The following AKAP6 variants were observed in gnomAD, a reference collection of about 807,000 sequenced individuals.
The protein encoded by AKAP6 is A-kinase anchoring protein 6.
AKAP6 carries 58 observed loss-of-function variants against 188.5 expected under a neutral mutation model. The ratio of observed to expected loss-of-function variants is 0.31; its 90% CI spans 0.25 to 0.38. The LOEUF is 0.38. AKAP6 is among the 10% of genes least tolerant of loss of function. The pLI is 1.00. For missense variants in AKAP6, 2,710 were observed against 2,740.0 expected (o/e 0.99, Z 0.24); for synonymous variants, 989 against 998.6 (o/e 0.99, Z 0.18).
At chr14:32,555,729 G>T (rs1274441252) in intron 4 of AKAP6, among the ~76,000 whole-genome samples, 1 of 152,084 alleles carries the variant, frequency 6.6e-6, no homozygotes, top group African/African-American at 2.4e-5. Flanking sequence ...GTTTGACTTA[G>T]CATGTCCTTA....
intron 7 of AKAP6, among the ~76,000 whole-genome samples, chr14:32,638,596 C>A (rs2139481312): frequency 1.3e-5 from 2 of 152,120 alleles, no homozygotes; most frequent in South Asian, 4.1e-4. Context: ...TGGCCTGATC[C>A]AAACAAAATG....
chr14:32,676,716 T>C (rs371280974), intron 7 of AKAP6, among the ~76,000 whole-genome samples: 3 of 152,346 alleles, frequency 2.0e-5, no homozygotes, highest in East Asian at 3.9e-4. Flanking sequence ...CTATAGTTAT[T>C]TTAGCAGTGT....
chr14:32,388,326 T>G, intron 1 of AKAP6, among the ~76,000 whole-genome samples: 1 of 151,972 alleles, frequency 6.6e-6, no homozygotes, highest in East Asian at 1.9e-4. Context: ...TTTGTATTTT[T>G]GTTGTTGTTG....
At chr14:32,385,944 T>C (rs1034236060) in intron 1 of AKAP6, among the ~76,000 whole-genome samples, 2 of 148,814 alleles carry the variant, frequency 1.3e-5, no homozygotes, top group Non-Finnish European at 3.0e-5. Context: ...TTATATATTA[T>C]ACATATATTC....
intron 2 of AKAP6, among the ~76,000 whole-genome samples, chr14:32,518,711 A>C (rs2139049957): frequency 1.3e-5 from 2 of 152,358 alleles, no homozygotes; most frequent in East Asian, 3.9e-4. Flanking sequence ...GACCAAATCT[A>C]CGTCTGATTG....
chr14:32,402,728 G>T (rs1889138224), intron 1 of AKAP6, among the ~76,000 whole-genome samples: 1 of 144,818 alleles, frequency 6.9e-6, no homozygotes. Context: ...TTGGTTGGTT[G>T]ATTTTTTTTT....
intron 5 of AKAP6, among the ~76,000 whole-genome samples, chr14:32,580,531 C>G (rs931887255): frequency 3.1e-4 from 47 of 151,870 alleles, no homozygotes; most frequent in African/African-American, 9.2e-4. Flanking sequence ...ACATTTTTTT[C>G]CCTTTAGTCA....
At chr14:32,581,163 C>A (rs889392825) in intron 5 of AKAP6, among the ~76,000 whole-genome samples, 3 of 152,110 alleles carry the variant, frequency 2.0e-5, no homozygotes, top group Admixed American at 2.0e-4. Context: ...GTTTACAGTC[C>A]CACCAACAGT....
In AKAP6 at chr14:32,830,887, C is replaced by T. The variant is rs910894087; in HGVS notation, c.*1082C>T. 6.6e-5 allele frequency: 10 copies of T among 152,458 alleles called. No individual in the cohort carries two copies. The highest frequency in any genetic ancestry group is 2.4e-4 in the African/African-American group (10 of 41,430). The allele number at this position is 152,458 out of a possible 1,614,324, so 9.4% of individuals were successfully genotyped here. A position where few individuals can be genotyped will look rare whatever the true frequency, so the allele number is the denominator to read the frequency against. On this transcript the variant is annotated 3_prime_UTR_variant, in exon 14 of 14. Transcript: ENST00000280979. ...GGTTCTGAAAAAGTATAGCATGTAG[C>T]AGCTTCCAAACATATTCATATTGCT... is the stretch of plus-strand genomic sequence containing the variant.
At chr14:32,414,514 T>C (rs1889593512) in intron 1 of AKAP6, among the ~76,000 whole-genome samples, 1 of 152,166 alleles carries the variant, frequency 6.6e-6, no homozygotes, top group Admixed American at 6.5e-5. Flanking sequence ...TTTATATTTA[T>C]GTCAGAATTG....
chr14:32,549,957 C>T (rs986172337), intron 4 of AKAP6, among the ~76,000 whole-genome samples: 22 of 152,158 alleles, frequency 1.4e-4, no homozygotes, highest in African/African-American at 4.8e-4. Context: ...TGAGGAACTG[C>T]TGTGATGTGG....
chr14:32,602,785 G>C (rs1885981528), intron 7 of AKAP6, among the ~76,000 whole-genome samples: 1 of 152,172 alleles, frequency 6.6e-6, no homozygotes, highest in Non-Finnish European at 1.5e-5. Flanking sequence ...AGGGCAAAGA[G>C]AGGTTAGGTA....
chr14:32,741,763 C>T (rs867038021), intron 11 of AKAP6, among the ~76,000 whole-genome samples: 1 of 138,736 alleles, frequency 7.2e-6, no homozygotes, highest in South Asian at 2.3e-4. Context: ...ATTTGGTTTG[C>T]TAGTATTTTG....
chr14:32,630,629 T>A (rs7160156), intron 7 of AKAP6, among the ~76,000 whole-genome samples: 99,702 of 151,906 alleles, frequency 0.66, 34,043 homozygotes, highest in East Asian at 0.95. Context: ...TTATAACCTG[T>A]TATGCGAGCC....
chr14:32,574,008 A>G (rs577381475), intron 4 of AKAP6, among the ~76,000 whole-genome samples: 1 of 152,276 alleles, frequency 6.6e-6, no homozygotes. Context: ...GAAAAATAGC[A>G]TGTGATAAAG....
intron 5 of AKAP6, among the ~76,000 whole-genome samples, chr14:32,592,374 C>A (rs1044245853): frequency 1.3e-5 from 2 of 152,092 alleles, no homozygotes; most frequent in African/African-American, 4.8e-5. Flanking sequence ...GGTGGGGAAA[C>A]CAGTTAGGTG....
chr14:32,510,449 T>TAA (rs1325423492), intron 2 of AKAP6, among the ~76,000 whole-genome samples: 1 of 21,502 alleles, frequency 4.7e-5, no homozygotes, highest in African/African-American at 2.2e-4. Flanking sequence ...TATATATATA[T>TAA]ACATATATAT....
chr14:32,428,028 T>C (rs1165369071), intron 1 of AKAP6, among the ~76,000 whole-genome samples: 1 of 152,202 alleles, frequency 6.6e-6, no homozygotes, highest in Non-Finnish European at 1.5e-5. Context: ...TCTCAAACTG[T>C]ACTCATGATA....
intron 12 of AKAP6, among the ~76,000 whole-genome samples, chr14:32,797,001 A>G (rs547976808): frequency 2.6e-5 from 4 of 152,116 alleles, no homozygotes; most frequent in African/African-American, 9.6e-5. Context: ...CTCAAAAGAC[A>G]TACATGCAGT....
Sources: allele counts gnomAD v4.1 joint callset (sites outside exome capture counted in the v4.1 genomes callset), GRCh38; gene constraint gnomAD v4.1.1; transcripts MANE v1.5; gene names NCBI Gene and HGNC (gene_info 2026-07-23, HGNC 2026-07-21).